TXK: variants seen among roughly 807,000 people sequenced by gnomAD.
The protein encoded by TXK is tyrosine-protein kinase TXK.
In TXK, 60 loss-of-function variants were observed where a neutral mutation model predicts 81.0. That is an observed-to-expected ratio of 0.74 (90% CI 0.60 to 0.92). The LOEUF (loss-of-function observed/expected upper bound fraction) is 0.92. Among genes scored for constraint, TXK ranks in the 40% least tolerant of loss-of-function variants. The pLI is 0.00. For synonymous variants in TXK, 203 were observed against 210.7 expected, an observed-to-expected ratio of 0.96 and a Z score of 0.32; for missense variants, 581 against 638.3, an observed-to-expected ratio of 0.91 and a Z score of 0.97.
intron 1 of TXK, among the ~76,000 whole-genome samples, chr4:48,133,924 CTCTT>C (rs1353874007): frequency 6.6e-6 from 1 of 152,198 alleles, no homozygotes; most frequent in African/African-American, 2.4e-5. Flanking sequence ...TTTCTGGACA[CTCTT>C]TCTGTTTTTC....
intron 12 of TXK, 69 bp from the exon 13 acceptor site, chr4:48,074,122 A>G: frequency 8.1e-7 from 1 of 1,230,476 alleles, no homozygotes; most frequent in South Asian, 1.3e-5. Context: ...AAATCCCTTT[A>G]GTTAACTCTA....
At chr4:48,095,256 TC>T in intron 6 of TXK, 34 bp from the exon 7 acceptor site, 1 of 1,556,536 alleles carries the variant, frequency 6.4e-7, no homozygotes, top group Non-Finnish European at 8.8e-7. Flanking sequence ...ATAAGTCTAT[TC>T]CTTCTTAGAA....
In TXK at chr4:48,111,146, A is replaced by G. The variant is rs577594987; in HGVS notation, c.381-543T>C. On this transcript the variant is annotated intron_variant, in intron 4 of 14. Transcript: ENST00000264316. ...CAACAAATTGTCCTCAAAGGAGGAT[A>G]TACCAACTTACACACCTATCAGCAT... 5.9e-5 allele frequency among the ~76,000 whole-genome samples: 9 copies of G among 152,364 alleles called. No individual in the cohort carries two copies. In the East Asian group the frequency reaches 1.7e-3, roughly 29 times the overall value.
chr4:48,116,335 T>C (rs925354595), intron 1 of TXK, among the ~76,000 whole-genome samples: 1 of 152,124 alleles, frequency 6.6e-6, no homozygotes, highest in Non-Finnish European at 1.5e-5. Flanking sequence ...AATAGGATCG[T>C]GGTGAAGAAT....
At chr4:48,118,317 C>G (rs1718866116) in intron 1 of TXK, among the ~76,000 whole-genome samples, 1 of 152,178 alleles carries the variant, frequency 6.6e-6, no homozygotes, top group African/African-American at 2.4e-5. Context: ...CAGAGATTTT[C>G]TCCCATAAGC....
At chr4:48,126,111 T>G (rs1719082717) in intron 1 of TXK, among the ~76,000 whole-genome samples, 1 of 152,244 alleles carries the variant, frequency 6.6e-6, no homozygotes, top group African/African-American at 2.4e-5. Flanking sequence ...ATTTAAATAG[T>G]TTGACACTTG....
At chr4:48,105,104 T>G in intron 5 of TXK, 149 bp from the exon 6 acceptor site, 1 of 527,250 alleles carries the variant, frequency 1.9e-6, no homozygotes. Flanking sequence ...AATAATATAC[T>G]ATTGTGGGTT....
chr4:48,072,303 T>C (rs1312739259), intron 13 of TXK, among the ~76,000 whole-genome samples: 4 of 152,144 alleles, frequency 2.6e-5, no homozygotes, highest in Non-Finnish European at 5.9e-5. Flanking sequence ...ACGCCCGGCC[T>C]AGCATTTTCA....
rs757949817 is a variant in TXK at position 48,112,402 on chromosome 4, G to A, written c.285C>T (p.Pro95=). 1 of 1,614,122 alleles carries A rather than the reference G, an allele frequency of 6.2e-7. No individual in the cohort carries two copies. The highest frequency in any genetic ancestry group is 8.5e-7 in the Non-Finnish European group (1 of 1,180,008). Residue 95 remains proline (P), a synonymous_variant, in exon 4 of 15, where the codon CCC becomes CCT. Transcript: ENST00000264316. ...TTAAGGCTAAATTACAGGGTTCTCTGGGCAGAAAATCATAAAGTGCCTTGA... is the reference window on the plus strand; with the variant it reads ...TTAAGGCTAAATTACAGGGTTCTCTAGGCAGAAAATCATAAAGTGCCTTGA... ...IQVKALYDFL[P]REPCNLALRR...
intron 1 of TXK, among the ~76,000 whole-genome samples, chr4:48,117,961 C>T (rs1215173074): frequency 6.6e-6 from 1 of 152,208 alleles, no homozygotes; most frequent in Non-Finnish European, 1.5e-5. Context: ...CCCTCCACAA[C>T]ATGGGTCATC....
intron 11 of TXK, 42 bp downstream of exon 11, chr4:48,079,870 G>T: frequency 7.6e-7 from 1 of 1,310,104 alleles, no homozygotes; most frequent in Non-Finnish European, 1.1e-6. Flanking sequence ...TCTGAATATA[G>T]GTATGATACA....
intron 1 of TXK, among the ~76,000 whole-genome samples, chr4:48,125,115 A>ATCATTATGAT (rs1413204597): frequency 6.6e-6 from 1 of 152,250 alleles, no homozygotes; most frequent in East Asian, 1.9e-4. Context: ...TCCCCATCTT[A>ATCATTATGAT]CACATAAAGA....
At chr4:48,126,386 C>G (rs561300456) in intron 1 of TXK, among the ~76,000 whole-genome samples, 26 of 152,288 alleles carry the variant, frequency 1.7e-4, no homozygotes, top group African/African-American at 5.5e-4. Context: ...ATACAAAATA[C>G]GTGTTGATCA....
At chr4:48,074,469 G>A (rs73244479) in intron 12 of TXK, among the ~76,000 whole-genome samples, 15,346 of 152,150 alleles carry the variant, frequency 0.1, 1,036 homozygotes, top group East Asian at 0.35. Flanking sequence ...GTTGGATGTC[G>A]AATTTTCTTC....
chr4:48,067,537 G>A lies in TXK; in HGVS notation c.*100C>T, dbSNP rs891567561. ...ACTGTTTTCAAGAGTCAGCAACTCT[G>A]AAGAAAGATATTCACCATAAGTGAC... is the stretch of plus-strand genomic sequence containing the variant. On this transcript the variant is annotated 3_prime_UTR_variant, in exon 15 of 15. Transcript: ENST00000264316. 5 of 1,248,902 alleles carry A rather than the reference G, an allele frequency of 4.0e-6. No homozygotes were observed. Among genetic ancestry groups the A allele is most frequent in the African/African-American group, 2.9e-5 (2 of 67,848 alleles). The allele number at this position is 1,248,902 out of a possible 1,614,324, so 77.4% of individuals were successfully genotyped here.
chr4:48,092,806 T>C (rs1323803534), intron 8 of TXK, among the ~76,000 whole-genome samples: 1 of 152,130 alleles, frequency 6.6e-6, no homozygotes, highest in Non-Finnish European at 1.5e-5. Flanking sequence ...TGAGAGGGCA[T>C]GGGGACAGAA....
intron 6 of TXK, among the ~76,000 whole-genome samples, chr4:48,104,637 T>C (rs1718394002): frequency 9.2e-6 from 1 of 108,506 alleles, no homozygotes. Flanking sequence ...AGAATGCACC[T>C]TGGAGTGAAT....
At chr4:48,096,208 T>TA (rs1717973118) in intron 6 of TXK, among the ~76,000 whole-genome samples, 2 of 152,200 alleles carry the variant, frequency 1.3e-5, no homozygotes, top group South Asian at 4.1e-4. Context: ...CCATTCGAAA[T>TA]AATAAAATCT....
chr4:48,089,184 G>A (rs1248020862), intron 9 of TXK, among the ~76,000 whole-genome samples: 1 of 152,150 alleles, frequency 6.6e-6, no homozygotes, highest in Non-Finnish European at 1.5e-5. Flanking sequence ...TTTATCAAAA[G>A]GGTGAAGATT....
Sources: allele counts gnomAD v4.1 joint callset (sites outside exome capture counted in the v4.1 genomes callset), GRCh38; gene constraint gnomAD v4.1.1; transcripts MANE v1.5; gene names NCBI Gene and HGNC (gene_info 2026-07-23, HGNC 2026-07-21).